FSTL4: variants seen among roughly 807,000 people sequenced by gnomAD.
FSTL4 encodes the protein follistatin-related protein 4.
FSTL4 carries 28 observed loss-of-function variants against 78.2 expected under a neutral mutation model. That is an observed-to-expected ratio of 0.36 (90% CI 0.27 to 0.49). The LOEUF (loss-of-function observed/expected upper bound fraction) is 0.49. FSTL4 is among the 20% of genes least tolerant of loss of function. The pLI is 0.98. For synonymous variants in FSTL4, 422 were observed against 440.5 expected, an observed-to-expected ratio of 0.96 and a Z score of 0.53; for missense variants, 922 against 1,084.9, an observed-to-expected ratio of 0.85 and a Z score of 2.11.
upstream of FSTL4, among the ~76,000 whole-genome samples, chr5:133,616,310 AATCTATCTATCTATCT>A (rs374635447): frequency 4.8e-5 from 7 of 147,278 alleles, no homozygotes; most frequent in South Asian, 2.3e-4. Flanking sequence ...TGAAAATCTA[AATCTATCTATCTATCT>A]ATCTATCTAT....
At chr5:133,694,858 G>A in the FSTL4 span, among the ~76,000 whole-genome samples, 4 of 152,318 alleles carry the variant, frequency 2.6e-5, no homozygotes, top group Admixed American at 2.0e-4. Context: ...AGAGAGAGCA[G>A]GAAGCAAGCT....
intron 3 of FSTL4, among the ~76,000 whole-genome samples, chr5:133,532,370 T>C (rs1370064035): frequency 2.6e-5 from 4 of 152,360 alleles, no homozygotes; most frequent in Non-Finnish European, 4.4e-5. Flanking sequence ...CCATGCTGTG[T>C]ATTTTCTACA....
chr5:133,421,899 A>G (rs545160771), intron 3 of FSTL4, among the ~76,000 whole-genome samples: 2 of 152,362 alleles, frequency 1.3e-5, no homozygotes, highest in Non-Finnish European at 2.9e-5. Context: ...AGTGGAGGAG[A>G]CAGGCGGGAA....
At chr5:133,303,232 C>T (rs1283099492) in intron 6 of FSTL4, among the ~76,000 whole-genome samples, 2 of 152,220 alleles carry the variant, frequency 1.3e-5, no homozygotes, top group African/African-American at 4.8e-5. Context: ...GAATGGCTGG[C>T]CTCTGGGCTA....
At chr5:133,322,618 G>A (rs551565814) in intron 4 of FSTL4, among the ~76,000 whole-genome samples, 47 of 152,302 alleles carry the variant, frequency 3.1e-4, no homozygotes, top group Admixed American at 2.4e-3. Context: ...AGAACACACC[G>A]CAGAATTGCT....
chr5:133,517,521 CATA>C (rs1214517303), intron 3 of FSTL4, among the ~76,000 whole-genome samples: 3 of 93,210 alleles, frequency 3.2e-5, no homozygotes, highest in Admixed American at 1.2e-4. Context: ...AAACTGAAAG[CATA>C]ATAATACTAA....
chr5:133,263,316 A>G (rs1332749432), intron 6 of FSTL4, among the ~76,000 whole-genome samples: 1 of 152,144 alleles, frequency 6.6e-6, no homozygotes, highest in African/African-American at 2.4e-5. Flanking sequence ...TGCATAAGTA[A>G]TACTTAGAAA....
At chr5:133,533,650 G>A (rs1448667954) in intron 3 of FSTL4, among the ~76,000 whole-genome samples, 3 of 152,264 alleles carry the variant, frequency 2.0e-5, no homozygotes, top group Middle Eastern at 6.8e-3. Flanking sequence ...ACCCTGCTTT[G>A]GGCAGGACAG....
intron 6 of FSTL4, among the ~76,000 whole-genome samples, chr5:133,263,662 T>C (rs1300280139): frequency 1.3e-5 from 2 of 152,132 alleles, no homozygotes; most frequent in African/African-American, 4.8e-5. Context: ...AGGCATTCTT[T>C]AGAAGGGTTT....
At chr5:133,804,832 T>C in the FSTL4 span, among the ~76,000 whole-genome samples, 1 of 150,594 alleles carries the variant, frequency 6.6e-6, no homozygotes, top group African/African-American at 2.4e-5. Context: ...TAGTCCCAGC[T>C]ACTCGGGAGG....
At chr5:133,207,622 C>T (rs940825255) in intron 14 of FSTL4, among the ~76,000 whole-genome samples, 1 of 152,138 alleles carries the variant, frequency 6.6e-6, no homozygotes, top group Non-Finnish European at 1.5e-5. Flanking sequence ...AGTATTTTTA[C>T]TCCCCCTTTC....
In FSTL4 at chr5:133,400,787, G is replaced by A. The variant is rs779952461; in HGVS notation, c.360C>T (p.Leu120=). Residue 120 remains leucine, a synonymous_variant, in exon 4 of 16, where the codon CTC becomes CTT. Coordinates refer to ENST00000265342, the MANE Select transcript of FSTL4 (RefSeq NM_015082.2). ...NHCKLHRAAC[L]LGKRITVIHS... Reference sequence around the variant, plus strand: ...GGATGACGGTGATCCTCTTTCCCAGGAGGCAAGCAGCACGGTGGAGCTTAC... The same window carrying A: ...GGATGACGGTGATCCTCTTTCCCAGAAGGCAAGCAGCACGGTGGAGCTTAC... The A allele has an allele frequency of 1.9e-6, 3 of 1,614,060 alleles. No individual in the cohort carries two copies. Among genetic ancestry groups the A allele is most frequent in the Non-Finnish European group, 2.5e-6 (3 of 1,180,006 alleles).
chr5:133,640,278 A>G, the FSTL4 span, among the ~76,000 whole-genome samples: 24 of 152,140 alleles, frequency 1.6e-4, no homozygotes, highest in Non-Finnish European at 3.4e-4. Flanking sequence ...ATCTCATAAA[A>G]CCTGGGAGAA....
intron 6 of FSTL4, among the ~76,000 whole-genome samples, chr5:133,256,194 G>C (rs776849646): frequency 6.6e-6 from 1 of 152,210 alleles, no homozygotes; most frequent in Non-Finnish European, 1.5e-5. Flanking sequence ...GGGCAATTTG[G>C]AGAGAGCACA....
the FSTL4 span, among the ~76,000 whole-genome samples, chr5:133,771,560 T>C: frequency 0.11 from 16,639 of 152,198 alleles, 1,525 homozygotes; most frequent in African/African-American, 0.25. Context: ...GAAACACTAC[T>C]GATTTCTGTA....
the FSTL4 span, among the ~76,000 whole-genome samples, chr5:133,744,393 C>T: frequency 2.0e-5 from 3 of 152,184 alleles, no homozygotes; most frequent in Middle Eastern, 3.2e-3. Context: ...GTGTGATAAG[C>T]GCCCCATGTA....
chr5:133,637,057 G>A, the FSTL4 span, among the ~76,000 whole-genome samples: 4 of 152,138 alleles, frequency 2.6e-5, no homozygotes, highest in Admixed American at 6.5e-5. Flanking sequence ...AAGGATAGAC[G>A]GCAGCTGGAT....
the FSTL4 span, among the ~76,000 whole-genome samples, chr5:133,639,654 C>T: frequency 2.0e-5 from 3 of 152,156 alleles, no homozygotes; most frequent in African/African-American, 7.2e-5. Context: ...TCTGTGGAAG[C>T]CCCATGGTGG....
chr5:133,549,804 G>A (rs1335755620), intron 3 of FSTL4, among the ~76,000 whole-genome samples: 2 of 152,202 alleles, frequency 1.3e-5, no homozygotes. Flanking sequence ...TTAGCTTGTG[G>A]TTCCTGTTCT....
Sources: allele counts gnomAD v4.1 joint callset (sites outside exome capture counted in the v4.1 genomes callset), GRCh38; gene constraint gnomAD v4.1.1; transcripts MANE v1.5; gene names NCBI Gene and HGNC (gene_info 2026-07-23, HGNC 2026-07-21).